Variants in NLGN4X observed in about 807,000 individuals in gnomAD.
The protein encoded by NLGN4X is neuroligin 4 X-linked, also known as neuroligin-4, X-linked.
In NLGN4X, 3 loss-of-function variants were observed where a neutral mutation model predicts 40.3. That is an observed-to-expected ratio of 0.07 (90% CI 0.03 to 0.19). The LOEUF (loss-of-function observed/expected upper bound fraction) is 0.19. NLGN4X is among the 10% of genes least tolerant of loss of function. The pLI, the probability that NLGN4X is intolerant of heterozygous loss-of-function variation, is 1.00. For synonymous variants in NLGN4X, 270 were observed against 306.8 expected, an observed-to-expected ratio of 0.88 and a Z score of 1.25; for missense variants, 382 against 708.3, an observed-to-expected ratio of 0.54 and a Z score of 5.23.
chrX:6,014,512 A>G (rs180836828), intron 3 of NLGN4X, among the ~76,000 whole-genome samples: 44 of 111,884 alleles, frequency 3.9e-4, no homozygotes, highest in Admixed American at 1.0e-3. Flanking sequence ...AGCAATAGGA[A>G]AGAAACAAAT....
chrX:6,111,442 T>C (rs2039146495), intron 2 of NLGN4X, among the ~76,000 whole-genome samples: 1 of 111,341 alleles, frequency 9.0e-6, no homozygotes, highest in Non-Finnish European at 1.9e-5. Flanking sequence ...CCATGAGAAA[T>C]AAATGTGTGT....
At chrX:5,894,909 T>C (rs2031406334) in intron 5 of NLGN4X, among the ~76,000 whole-genome samples, 1 of 111,812 alleles carries the variant, frequency 8.9e-6, no homozygotes, top group African/African-American at 3.3e-5. Context: ...AAGCAGGGAG[T>C]TGCAACATCC....
intron 2 of NLGN4X, among the ~76,000 whole-genome samples, chrX:6,048,369 C>A (rs1195566147): frequency 9.0e-6 from 1 of 111,569 alleles, no homozygotes; most frequent in Non-Finnish European, 1.9e-5. Flanking sequence ...GCAACTCCAA[C>A]AAGCTCAAGA....
rs145722003 is a variant in NLGN4X at position 5,956,679 on chromosome X, G to A, written c.626-47440C>T. Among the ~76,000 whole-genome samples, 141 of 111,492 alleles carry A rather than the reference G, an allele frequency of 1.3e-3. 1 individual carries two copies. Among genetic ancestry groups the A allele is most frequent in the African/African-American group, 4.2e-3 (129 of 30,680 alleles). ...GCACGGCATCTCTGAGCACCAGCAC[G>A]TGCATCACCAACCCAAAGCCAGGGA... On this transcript the variant is annotated intron_variant, in intron 3 of 5. Transcript: ENST00000381095.
intron 2 of NLGN4X, among the ~76,000 whole-genome samples, chrX:6,055,837 C>G (rs1040248239): frequency 9.0e-6 from 1 of 111,203 alleles, no homozygotes; most frequent in African/African-American, 3.3e-5. Flanking sequence ...GTGGTTGTAT[C>G]TAAATACCTT....
At chrX:6,030,728 A>G (rs907589204) in intron 2 of NLGN4X, among the ~76,000 whole-genome samples, 10 of 111,814 alleles carry the variant, frequency 8.9e-5, no homozygotes, top group Admixed American at 7.6e-4. Flanking sequence ...CCACGGCAGA[A>G]AAGTGTCTTT....
intron 3 of NLGN4X, among the ~76,000 whole-genome samples, chrX:5,942,762 C>A (rs1049956635): frequency 9.0e-6 from 1 of 110,722 alleles, no homozygotes; most frequent in Non-Finnish European, 1.9e-5. Flanking sequence ...CTTGATTGGG[C>A]TTTTCCTGGA....
chrX:6,172,710 T>C (rs1285998619), intron 1 of NLGN4X, among the ~76,000 whole-genome samples: 1 of 112,043 alleles, frequency 8.9e-6, no homozygotes, highest in Non-Finnish European at 1.9e-5. Flanking sequence ...ATATCTAGGA[T>C]GTAAGACTGT....
chrX:6,020,041 G>A (rs6638589), intron 3 of NLGN4X, among the ~76,000 whole-genome samples: 37,840 of 110,907 alleles, frequency 0.34, 5,366 homozygotes, highest in East Asian at 0.77. Context: ...ATCCTGAATC[G>A]TTTATAAATA....
chrX:6,205,202 C>T (rs901482332), intron 1 of NLGN4X, among the ~76,000 whole-genome samples: 1 of 112,295 alleles, frequency 8.9e-6, no homozygotes, highest in East Asian at 2.8e-4. Flanking sequence ...CTCATATTCT[C>T]CTAGCCCCAT....
intron 3 of NLGN4X, among the ~76,000 whole-genome samples, chrX:5,950,987 G>A (rs986863490): frequency 3.6e-5 from 4 of 112,085 alleles, no homozygotes; most frequent in Non-Finnish European, 7.5e-5. Context: ...CTGTGGCTAC[G>A]AATCAGAATA....
chrX:6,012,339 C>A (rs948158383), intron 3 of NLGN4X, among the ~76,000 whole-genome samples: 1 of 112,033 alleles, frequency 8.9e-6, no homozygotes, highest in African/African-American at 3.2e-5. Flanking sequence ...TCAGATACTG[C>A]ATGACTACAT....
chrX:6,205,887 A>G (rs919910787), intron 1 of NLGN4X, among the ~76,000 whole-genome samples: 5 of 112,298 alleles, frequency 4.5e-5, no homozygotes, highest in African/African-American at 1.6e-4. Context: ...GCCAATTCAT[A>G]TCCAACACTT....
Position 6,080,425 on chromosome X carries a change from G to A in NLGN4X, c.473-50993C>T, listed in dbSNP as rs761278080. Among the ~76,000 whole-genome samples the A allele has an allele frequency of 1.2e-4, 13 of 111,375 alleles. No homozygotes were observed. In the South Asian group the frequency reaches 3.8e-3, roughly 32 times the overall value. The stretch of plus-strand genomic sequence containing the variant: ...TCCTCTCCAAGAAAAATCCATTCTC[G>A]CCTACTCATAAAGGTGACATAGAGT... On this transcript the variant is annotated intron_variant, in intron 2 of 5. Transcript: ENST00000381095.
intron 3 of NLGN4X, among the ~76,000 whole-genome samples, chrX:5,982,584 A>AT (rs1327064264): frequency 1.8e-5 from 2 of 112,299 alleles, no homozygotes; most frequent in Non-Finnish European, 3.8e-5. Context: ...AATATGTGTG[A>AT]TTTTTTTAAG....
chrX:6,121,005 C>G lies in NLGN4X; in HGVS notation c.472+29990G>C, dbSNP rs1474069221. 6.3e-5 allele frequency among the ~76,000 whole-genome samples: 7 copies of G among 111,844 alleles called. No individual in the cohort carries two copies. The East Asian group carries it at 2.0e-3, about 31-fold the overall frequency. ...CAAGGTGCTGTATCCTTTGTTACCT[C>G]TGTTTGAAGAAGCATGAATGTGTTT... On this transcript the variant is annotated intron_variant, in intron 2 of 5. Coordinates refer to ENST00000381095, the MANE Select transcript of NLGN4X (RefSeq NM_181332.3).
intron 1 of NLGN4X, among the ~76,000 whole-genome samples, chrX:6,183,511 C>A (rs1384311097): frequency 9.2e-6 from 1 of 109,018 alleles, no homozygotes; most frequent in Non-Finnish European, 1.9e-5. Context: ...CGCGCCACTG[C>A]ACTCCAGCCT....
chrX:6,121,398 T>C (rs544152331), intron 2 of NLGN4X, among the ~76,000 whole-genome samples: 10 of 111,640 alleles, frequency 9.0e-5, no homozygotes, highest in African/African-American at 2.9e-4. Context: ...TTGAAACCAA[T>C]AGGAAGCCAA....
At chrX:6,026,779 T>G (rs372396311) in intron 3 of NLGN4X, among the ~76,000 whole-genome samples, 1 of 111,739 alleles carries the variant, frequency 8.9e-6, no homozygotes, top group Non-Finnish European at 1.9e-5. Context: ...TGTTATCTTA[T>G]GACTTTTAAA....
Sources: gnomAD v4.1 joint callset for allele counts (sites outside exome capture counted in the v4.1 genomes callset) on GRCh38, gnomAD v4.1.1 for gene constraint, MANE v1.5 for transcripts, NCBI Gene and HGNC (gene_info 2026-07-23, HGNC 2026-07-21) for gene names.